Variants in TMC7 observed in about 807,000 individuals in gnomAD.
The protein encoded by TMC7 is transmembrane channel like 7, also known as transmembrane channel-like protein 7.
In TMC7, 54 loss-of-function variants were observed where a neutral mutation model predicts 82.9. The ratio of observed to expected loss-of-function variants is 0.65; its 90% CI spans 0.52 to 0.82. The LOEUF is 0.82. Ranked by LOEUF, TMC7 falls within the 40% of genes least tolerant of loss-of-function variation. TMC7 has a pLI of 0.00. For missense variants in TMC7, 820 were observed against 901.2 expected (o/e 0.91, Z 1.15); for synonymous variants, 350 against 337.9 (o/e 1.04, Z -0.39).
chr16:19,008,259 C>T (rs868633577), intron 1 of TMC7, among the ~76,000 whole-genome samples: 2 of 152,184 alleles, frequency 1.3e-5, no homozygotes, highest in Non-Finnish European at 2.9e-5. Flanking sequence ...GAAAGCCCGC[C>T]TGCCTTAGCC....
chr16:18,999,357 T>A (rs900787656), intron 1 of TMC7, among the ~76,000 whole-genome samples: 14 of 152,226 alleles, frequency 9.2e-5, no homozygotes, highest in African/African-American at 2.9e-4. Flanking sequence ...TATTGGACAG[T>A]GCAGATATAG....
Position 19,056,650 on chromosome 16 carries a change from T to C in TMC7, c.1980T>C (p.His660=), listed in dbSNP as rs755738433. The C allele has an allele frequency of 9.3e-6, 15 of 1,613,934 alleles. No individual in the cohort carries two copies. The Admixed American group carries it at 2.2e-4, about 23-fold the overall frequency. Residue 660 remains histidine (H), a synonymous_variant, in exon 14 of 16, where the codon CAT becomes CAC. Transcript: ENST00000304381. The stretch of plus-strand genomic sequence containing the variant: ...CCAGCTCGCTGCAGTCCTTCATCCA[T>C]GGTGTCACATCCGAAGCCTTTGCAG... ...TFPSSLQSFI[H]GVTSEAFAVP...
chr16:19,060,789 A>T lies in TMC7; in HGVS notation c.2107-989A>T, dbSNP rs866497338. On this transcript the variant is annotated intron_variant, in intron 15 of 15. Transcript: ENST00000304381. ...AAGGGTTTGTAAGAGTCTACTGTGCATTTTTTTTTTTTTTTGAGACAGAGT... is the reference window on the plus strand; with the variant it reads ...AAGGGTTTGTAAGAGTCTACTGTGCTTTTTTTTTTTTTTTTGAGACAGAGT... Among the ~76,000 whole-genome samples, 1,026 of 137,678 alleles carry T rather than the reference A, an allele frequency of 7.5e-3. 11 individuals carry two copies. Among genetic ancestry groups the T allele is most frequent in the Middle Eastern group, 0.049 (13 of 264 alleles). The allele number at this position is 137,678 out of a possible 152,430, so 90.3% of individuals were successfully genotyped here.
intron 5 of TMC7, among the ~76,000 whole-genome samples, chr16:19,028,112 A>C (rs1960320272): frequency 6.6e-6 from 1 of 152,110 alleles, no homozygotes; most frequent in Non-Finnish European, 1.5e-5. Context: ...CTTTATAAAC[A>C]ATGCTGTAGG....
At chr16:18,984,354 G>T in intron 1 of TMC7, 1 of 1,295,604 alleles carries the variant, frequency 7.7e-7, no homozygotes, top group Non-Finnish European at 9.8e-7. Flanking sequence ...CGGGCCAAAA[G>T]GACACGAGAA....
chr16:19,045,303 TAGGGTCTTTC>T (rs1567525823), intron 10 of TMC7, 28 bp from the exon 11 acceptor site: 1 of 1,544,450 alleles, frequency 6.5e-7, no homozygotes, highest in East Asian at 2.2e-5. Flanking sequence ...CTGCCTCAGC[TAGGGTCTTTC>T]AGTTTCCCTC....
intron 15 of TMC7, among the ~76,000 whole-genome samples, chr16:19,061,000 T>C (rs1467646835): frequency 1.3e-5 from 1 of 75,634 alleles, no homozygotes; most frequent in East Asian, 3.3e-4. Context: ...ATGGCCAGTC[T>C]TTTTTTTTTT....
At chr16:19,023,028 CA>C (rs1276074542) in intron 4 of TMC7, 84 bp from the exon 5 acceptor site, 4 of 798,326 alleles carry the variant, frequency 5.0e-6, no homozygotes, top group Non-Finnish European at 8.1e-6. Context: ...TCAGAACAAA[CA>C]AACAAACAAA....
At chr16:19,054,786 C>T (rs564773175) in intron 13 of TMC7, among the ~76,000 whole-genome samples, 5 of 148,674 alleles carry the variant, frequency 3.4e-5, no homozygotes, top group Non-Finnish European at 5.9e-5. Flanking sequence ...ACTCTGTCAC[C>T]CAGGCTGGAG....
At chr16:18,998,828 G>C (rs1028052199) in intron 1 of TMC7, among the ~76,000 whole-genome samples, 4 of 151,958 alleles carry the variant, frequency 2.6e-5, no homozygotes, top group Non-Finnish European at 5.9e-5. Context: ...GATGGAGTTA[G>C]TCACTGCTCC....
intron 13 of TMC7, among the ~76,000 whole-genome samples, chr16:19,054,378 C>T (rs1458175661): frequency 6.6e-6 from 1 of 152,052 alleles, no homozygotes; most frequent in East Asian, 1.9e-4. Flanking sequence ...GATCTTCCCC[C>T]CCAACCACAT....
intron 1 of TMC7, among the ~76,000 whole-genome samples, chr16:18,995,614 C>T (rs558516400): frequency 2.0e-5 from 3 of 152,316 alleles, no homozygotes; most frequent in Non-Finnish European, 4.4e-5. Flanking sequence ...GGGAGGCGGT[C>T]CTGGAGGAAC....
chr16:19,035,673 C>T lies in TMC7; in HGVS notation c.858-3C>T. On this transcript the variant is annotated splice_polypyrimidine_tract_variant and splice_region_variant and intron_variant, in intron 6 of 15. Coordinates refer to ENST00000304381, the MANE Select transcript of TMC7 (RefSeq NM_024847.4). ...AAGAAGGATGATTGTGTTTTGGGGT[C>T]AGGTCGGTGGAAGGATTCAAAATCA... The T allele has an allele frequency of 1.2e-6, 2 of 1,614,110 alleles. No homozygotes were observed. The highest frequency in any genetic ancestry group is 1.7e-6 in the Non-Finnish European group (2 of 1,180,012).
intron 5 of TMC7, among the ~76,000 whole-genome samples, chr16:19,028,377 T>C (rs1960334018): frequency 7.3e-6 from 1 of 136,222 alleles, no homozygotes; most frequent in South Asian, 2.3e-4. Flanking sequence ...TCTACTTTTT[T>C]ATTTAAAAAA....
chr16:19,008,223 G>A (rs2039275095), intron 1 of TMC7, among the ~76,000 whole-genome samples: 1 of 152,146 alleles, frequency 6.6e-6, no homozygotes, highest in Non-Finnish European at 1.5e-5. Context: ...AACCCATCTT[G>A]AAGGTAGCTT....
At chr16:18,998,233 T>C (rs963228968) in intron 1 of TMC7, among the ~76,000 whole-genome samples, 4 of 152,316 alleles carry the variant, frequency 2.6e-5, no homozygotes, top group African/African-American at 9.6e-5. Flanking sequence ...AGGACAGCTA[T>C]AGGAGGTAGG....
rs528570709 is a variant in TMC7 at position 19,004,147 on chromosome 16, T to C, written c.68-5025T>C. Among the ~76,000 whole-genome samples the C allele has an allele frequency of 2.6e-5, 4 of 152,144 alleles. No individual in the cohort carries two copies. In the East Asian group the frequency reaches 5.8e-4, roughly 22 times the overall value. ...GTCATGCTGGGAAAAGTGTGTGTTATATGCAAACGAGGGGGTGGATCCTAG... is the reference window on the plus strand; with the variant it reads ...GTCATGCTGGGAAAAGTGTGTGTTACATGCAAACGAGGGGGTGGATCCTAG... On this transcript the variant is annotated intron_variant, in intron 1 of 15. Transcript: ENST00000304381.
At chr16:18,991,745 C>T (rs1293440187) in intron 1 of TMC7, among the ~76,000 whole-genome samples, 3 of 152,096 alleles carry the variant, frequency 2.0e-5, no homozygotes, top group East Asian at 1.9e-4. Flanking sequence ...GTCCCCGCAC[C>T]GCACAAGAGG....
intron 3 of TMC7, among the ~76,000 whole-genome samples, chr16:19,020,066 T>C (rs115919513): frequency 0.012 from 1,848 of 152,256 alleles, 44 homozygotes; most frequent in African/African-American, 0.042. Context: ...AATCAATCGA[T>C]GTAATTCACC....
Sources: gnomAD v4.1 joint callset for allele counts (sites outside exome capture counted in the v4.1 genomes callset) on GRCh38, gnomAD v4.1.1 for gene constraint, MANE v1.5 for transcripts, NCBI Gene and HGNC (gene_info 2026-07-23, HGNC 2026-07-21) for gene names.